Variants in PRUNE2 observed in about 807,000 individuals in gnomAD.
The protein encoded by PRUNE2 is protein prune homolog 2.
A neutral mutation model predicts 252.0 loss-of-function variants in PRUNE2; 164 were observed. The ratio of observed to expected loss-of-function variants is 0.65; its 90% confidence interval spans 0.57 to 0.74. PRUNE2 has a LOEUF of 0.74. Among genes scored for constraint, PRUNE2 ranks in the 30% least tolerant of loss-of-function variants. PRUNE2 has a pLI of 0.00. For synonymous variants in PRUNE2, 1,292 were observed against 1,350.2 expected, an observed-to-expected ratio of 0.96 and a Z score of 0.94; for missense variants, 3,495 against 3,711.0, an observed-to-expected ratio of 0.94 and a Z score of 1.51.
chr9:76,788,289 T>C, intron 6 of PRUNE2: 1 of 611,146 alleles, frequency 1.6e-6, no homozygotes, highest in East Asian at 2.8e-5. Flanking sequence ...AGATATATTC[T>C]AGTCGAAAGA....
Position 76,711,296 on chromosome 9 carries a change from G to A in PRUNE2, c.978C>T (p.Gly326=). 1 of 1,613,834 alleles carries A rather than the reference G, an allele frequency of 6.2e-7. No homozygotes were observed. The highest frequency in any genetic ancestry group is 1.1e-5 in the South Asian group (1 of 91,044). The change falls in exon 8 of 19, where the codon GGC becomes GGT. Residue 326 remains glycine, a synonymous_variant. Coordinates refer to ENST00000376718, the MANE Select transcript of PRUNE2 (RefSeq NM_015225.3). ...GTTGGTACACCAGGATCTCATCACA[G>A]CCACAGTCAAAGGGCTCCAGTTCTA... ...PCLELEPFDC[G]CDEILVYQQE...
intron 6 of PRUNE2, among the ~76,000 whole-genome samples, chr9:76,770,534 G>T (rs1359141712): frequency 1.3e-5 from 2 of 152,062 alleles, no homozygotes; most frequent in African/African-American, 4.8e-5. Context: ...ATCTAAAATG[G>T]ATTATGAAAT....
At chr9:76,626,174 T>C (rs1413669693) in intron 16 of PRUNE2, among the ~76,000 whole-genome samples, 1 of 152,252 alleles carries the variant, frequency 6.6e-6, no homozygotes, top group African/African-American at 2.4e-5. Context: ...ACTATTTCAG[T>C]ATTCACTAAT....
rs2046341977 is a variant in PRUNE2 at position 76,706,741 on chromosome 9, C to G, written c.5533G>C (p.Glu1845Gln). Reference sequence around the variant, plus strand: ...CCACTGGAGTCAGACAGCTCCCTTTCAAATGGACTTTCAATTAGTCTCCCT... The same window carrying G: ...CCACTGGAGTCAGACAGCTCCCTTTGAAATGGACTTTCAATTAGTCTCCCT... The part of the protein sequence containing the change: ...QEGRLIESPF[E>Q]RELSDSSGVL... The change falls in exon 8 of 19, where the codon GAA (glutamate) becomes CAA (glutamine). Residue 1845 changes from glutamate (E) to glutamine (Q), a missense_variant. Glu to Gln is a conservative substitution (Grantham distance 29, BLOSUM62 2). Coordinates refer to ENST00000376718, the MANE Select transcript of PRUNE2 (RefSeq NM_015225.3). 1 of 1,612,580 alleles carries G rather than the reference C, an allele frequency of 6.2e-7. No homozygotes were observed. The highest frequency in any genetic ancestry group is 1.7e-5 in the Admixed American group (1 of 59,820).
intron 11 of PRUNE2, chr9:76,652,271 T>C (rs1305659673): frequency 1.9e-6 from 1 of 520,484 alleles, no homozygotes; most frequent in African/African-American, 1.9e-5. Context: ...GAGTGGGGGT[T>C]AATAAAGAGC....
At chr9:76,853,535 A>G (rs2060081925) in intron 2 of PRUNE2, among the ~76,000 whole-genome samples, 2 of 152,208 alleles carry the variant, frequency 1.3e-5, no homozygotes, top group Non-Finnish European at 2.9e-5. Context: ...GAATAGAAAG[A>G]GTCTTCCTCA....
At chr9:76,881,560 T>A (rs943310635) in intron 1 of PRUNE2, among the ~76,000 whole-genome samples, 5 of 152,108 alleles carry the variant, frequency 3.3e-5, no homozygotes, top group Non-Finnish European at 7.4e-5. Context: ...ATATTCTCCA[T>A]TGCCCCAGCA....
chr9:76,668,677 T>C (rs926831819), intron 9 of PRUNE2, among the ~76,000 whole-genome samples: 1 of 151,926 alleles, frequency 6.6e-6, no homozygotes, highest in Admixed American at 6.6e-5. Context: ...AGGAGTTCCT[T>C]GAGGGCCTGT....
intron 1 of PRUNE2, among the ~76,000 whole-genome samples, chr9:76,886,128 G>C (rs888369133): frequency 1.3e-5 from 2 of 151,616 alleles, no homozygotes; most frequent in African/African-American, 4.9e-5. Flanking sequence ...GGAGGTTGCA[G>C]TGACCTGAGA....
chr9:76,704,154 G>A, intron 8 of PRUNE2, 55 bp from the exon 9 acceptor site: 2 of 1,223,708 alleles, frequency 1.6e-6, no homozygotes, highest in Admixed American at 4.7e-5. Flanking sequence ...TTAACACATT[G>A]TGTGATTTGT....
intron 1 of PRUNE2, among the ~76,000 whole-genome samples, chr9:76,876,840 G>A (rs2061502088): frequency 6.6e-6 from 1 of 152,186 alleles, no homozygotes; most frequent in South Asian, 2.1e-4. Flanking sequence ...TGACTCTAGA[G>A]AAATGCTAAT....
chr9:76,800,114 A>G (rs2056442132), intron 6 of PRUNE2, among the ~76,000 whole-genome samples: 1 of 152,036 alleles, frequency 6.6e-6, no homozygotes, highest in South Asian at 2.1e-4. Context: ...GGTTTGTTAC[A>G]CATGTATACA....
At chr9:76,859,426 G>T (rs1443976506) in intron 1 of PRUNE2, among the ~76,000 whole-genome samples, 1 of 151,956 alleles carries the variant, frequency 6.6e-6, no homozygotes, top group African/African-American at 2.4e-5. Flanking sequence ...GGCTTCCTGG[G>T]CCCTCCTATA....
intron 6 of PRUNE2, among the ~76,000 whole-genome samples, chr9:76,795,164 A>T (rs890549677): frequency 2.6e-5 from 4 of 152,144 alleles, no homozygotes; most frequent in Admixed American, 2.6e-4. Flanking sequence ...CTCCAGAATG[A>T]ATATGCATGA....
chr9:76,709,655 C>T lies in PRUNE2; in HGVS notation c.2619G>A (p.Arg873=). 1 of 1,613,928 alleles carries T rather than the reference C, an allele frequency of 6.2e-7. No homozygotes were observed. The highest frequency in any genetic ancestry group is 1.1e-5 in the South Asian group (1 of 91,072). ...GATTTCCAGGTGCAAAGATGTGATC[C>T]CTGGAGTCATTGTTTTTCTTGCCCC... ...EIWGKKNNDS[R]DHIFAPGNPS... The change falls in exon 8 of 19, where the codon AGG becomes AGA. Residue 873 remains arginine (R), a synonymous_variant. Coordinates refer to ENST00000376718, the MANE Select transcript of PRUNE2 (RefSeq NM_015225.3).
intron 12 of PRUNE2, among the ~76,000 whole-genome samples, chr9:76,643,861 T>C (rs1338455241): frequency 6.6e-6 from 1 of 152,136 alleles, no homozygotes; most frequent in African/African-American, 2.4e-5. Context: ...AGCAGTGTTT[T>C]GAGGCAGTGC....
At chr9:76,799,551 T>C (rs1476039418) in intron 6 of PRUNE2, among the ~76,000 whole-genome samples, 2 of 152,124 alleles carry the variant, frequency 1.3e-5, no homozygotes, top group Non-Finnish European at 2.9e-5. Flanking sequence ...CAGGATCATT[T>C]GTCCTAAGTT....
chr9:76,793,153 G>A (rs946811967), intron 6 of PRUNE2, among the ~76,000 whole-genome samples: 1 of 152,220 alleles, frequency 6.6e-6, no homozygotes, highest in African/African-American at 2.4e-5. Context: ...CTTCCTGACT[G>A]TGGCTTCTTA....
intron 6 of PRUNE2, among the ~76,000 whole-genome samples, chr9:76,734,933 A>G (rs1422352567): frequency 6.6e-6 from 1 of 152,154 alleles, no homozygotes; most frequent in African/African-American, 2.4e-5. Flanking sequence ...CATCCTGGAG[A>G]GTCATGGAGA....
Sources: gnomAD v4.1 joint callset for allele counts (sites outside exome capture counted in the v4.1 genomes callset) on GRCh38, gnomAD v4.1.1 for gene constraint, MANE v1.5 for transcripts, NCBI Gene and HGNC (gene_info 2026-07-23, HGNC 2026-07-21) for gene names.